The following GUCY1A2 variants were observed in gnomAD, a reference collection of about 807,000 sequenced individuals.
The protein encoded by GUCY1A2 is guanylate cyclase 1 soluble subunit alpha 2, also known as guanylate cyclase soluble subunit alpha-2.
GUCY1A2 carries 27 observed loss-of-function variants against 63.5 expected under a neutral mutation model. The ratio of observed to expected loss-of-function variants is 0.43; its 90% CI spans 0.31 to 0.59. The LOEUF is 0.59. Ranked by LOEUF, GUCY1A2 falls within the 20% of genes least tolerant of loss-of-function variation. GUCY1A2 has a pLI of 0.11. For synonymous variants in GUCY1A2, 364 were observed against 343.5 expected (o/e 1.06, Z -0.66); for missense variants, 768 against 913.3 (o/e 0.84, Z 2.05).
At chr11:106,806,890 C>T (rs946394545) in intron 5 of GUCY1A2, among the ~76,000 whole-genome samples, 1 of 152,180 alleles carries the variant, frequency 6.6e-6, no homozygotes, top group Non-Finnish European at 1.5e-5. Flanking sequence ...AATTCTACCA[C>T]TGAAATTATA....
intron 4 of GUCY1A2, among the ~76,000 whole-genome samples, chr11:106,846,143 A>T (rs1859267847): frequency 6.6e-6 from 1 of 151,600 alleles, no homozygotes; most frequent in Non-Finnish European, 1.5e-5. Flanking sequence ...TGTAATACTC[A>T]ATTGGATCCT....
chr11:107,013,446 G>A (rs561267078), intron 1 of GUCY1A2, among the ~76,000 whole-genome samples: 41 of 152,264 alleles, frequency 2.7e-4, no homozygotes, highest in South Asian at 8.3e-4. Flanking sequence ...GAAATCCCCA[G>A]CTGTTGCTTA....
In GUCY1A2 at chr11:106,939,496, G is replaced by T. The variant is rs1860722370; in HGVS notation, c.1170C>A (p.Thr390=). Residue 390 remains threonine, a synonymous_variant, in exon 4 of 8, where the codon ACC becomes ACA. Transcript: ENST00000526355. The part of the protein sequence containing the change: ...LRLSTPFVIR[T]KPEASGSENK... ...TTTCAGAGCCAGAAGCCTCAGGCTT[G>T]GTTCTAATCACAAACGGGGTAGACA... 1 of 1,606,440 alleles carries T rather than the reference G, an allele frequency of 6.2e-7. No homozygotes were observed. Among genetic ancestry groups the T allele is most frequent in the Non-Finnish European group, 8.5e-7 (1 of 1,173,468 alleles).
intron 7 of GUCY1A2, among the ~76,000 whole-genome samples, chr11:106,702,174 T>C (rs1363046006): frequency 1.3e-5 from 2 of 152,154 alleles, no homozygotes; most frequent in African/African-American, 2.4e-5. Context: ...AATGACAATA[T>C]AAATAAATTG....
intron 1 of GUCY1A2, among the ~76,000 whole-genome samples, chr11:106,990,323 C>T (rs1861454298): frequency 1.3e-5 from 2 of 152,242 alleles, no homozygotes; most frequent in African/African-American, 4.8e-5. Context: ...CTTCACTATA[C>T]TTGACCAACA....
rs930080329 is a variant in GUCY1A2 at position 107,018,404 on chromosome 11, G to C, written c.-349C>G. On this transcript the variant is annotated 5_prime_UTR_variant, in exon 1 of 8. Transcript: ENST00000526355. ...TCCCGCTCACGGGGAGGCTCCGAGA[G>C]TGTGTGACCGCGGTCGGCGGGGCGG... 18 of 150,706 alleles carry C rather than the reference G, an allele frequency of 1.2e-4. No homozygotes were observed. Among genetic ancestry groups the C allele is most frequent in the African/African-American group, 4.1e-4 (17 of 41,260 alleles). The allele number at this position is 150,706 out of a possible 1,614,324, so 9.3% of individuals were successfully genotyped here. A position where few individuals can be genotyped will look rare whatever the true frequency, so the allele number is the denominator to read the frequency against.
intron 3 of GUCY1A2, among the ~76,000 whole-genome samples, chr11:106,956,941 G>C (rs1178185369): frequency 6.6e-6 from 1 of 152,152 alleles, no homozygotes; most frequent in African/African-American, 2.4e-5. Context: ...AGGGACTCAG[G>C]CCCAGGGAGA....
At chr11:106,893,841 G>C (rs937420887) in intron 4 of GUCY1A2, among the ~76,000 whole-genome samples, 1 of 152,032 alleles carries the variant, frequency 6.6e-6, no homozygotes, top group Admixed American at 6.6e-5. Context: ...CGACAAGTCT[G>C]AGAGACTAAA....
chr11:106,796,219 T>C (rs1864757178), intron 5 of GUCY1A2, among the ~76,000 whole-genome samples: 1 of 152,286 alleles, frequency 6.6e-6, no homozygotes, highest in African/African-American at 2.4e-5. Context: ...ATGAGATGGG[T>C]CTCCTGAATA....
intron 2 of GUCY1A2, among the ~76,000 whole-genome samples, chr11:106,984,999 T>C (rs1861383129): frequency 6.6e-6 from 1 of 152,188 alleles, no homozygotes. Flanking sequence ...CATCAAGCAC[T>C]TAAAGTATAC....
chr11:106,856,856 T>C (rs1859443504), intron 4 of GUCY1A2, among the ~76,000 whole-genome samples: 1 of 152,198 alleles, frequency 6.6e-6, no homozygotes, highest in Non-Finnish European at 1.5e-5. Flanking sequence ...CCCTACTTGG[T>C]GTCTTTATAA....
intron 5 of GUCY1A2, among the ~76,000 whole-genome samples, chr11:106,793,216 C>A (rs1434221676): frequency 1.3e-5 from 2 of 152,008 alleles, no homozygotes; most frequent in African/African-American, 2.4e-5. Context: ...ACTAAATCTA[C>A]ACAATCTTTT....
At chr11:106,997,778 C>T (rs1477352985) in intron 1 of GUCY1A2, among the ~76,000 whole-genome samples, 4 of 152,106 alleles carry the variant, frequency 2.6e-5, no homozygotes, top group Admixed American at 2.6e-4. Flanking sequence ...TTCCTTCACC[C>T]TTACATTGGG....
chr11:106,919,384 A>G (rs1048218485), intron 4 of GUCY1A2, among the ~76,000 whole-genome samples: 2 of 152,182 alleles, frequency 1.3e-5, no homozygotes, highest in Non-Finnish European at 2.9e-5. Context: ...TGTTACCATA[A>G]TAACAAAAAA....
At chr11:106,872,844 G>C (rs536592270) in intron 4 of GUCY1A2, among the ~76,000 whole-genome samples, 62 of 152,210 alleles carry the variant, frequency 4.1e-4, no homozygotes, top group African/African-American at 1.5e-3. Context: ...AGAACGTGCA[G>C]ATTTGTTACA....
intron 4 of GUCY1A2, chr11:106,827,312 A>T (rs1858985155): frequency 6.4e-7 from 1 of 1,554,056 alleles, no homozygotes; most frequent in African/African-American, 1.4e-5. Context: ...ATGAGCTTTG[A>T]AGTCAAGAAT....
At position 106,691,254 on chromosome 11, in the gene GUCY1A2, A is replaced by C. The variant is rs1862618936; in HGVS notation, c.1992-3498T>G. ...TAAAAAGACAAGAAATGCTCATTGA[A>C]ACAAATTAGCAATACAATGATACAA... On this transcript the variant is annotated intron_variant, in intron 7 of 7. Transcript: ENST00000526355. 3.9e-5 allele frequency among the ~76,000 whole-genome samples: 6 copies of C among 152,330 alleles called. No homozygotes were observed. In the South Asian group the frequency reaches 1.2e-3, roughly 32 times the overall value.
chr11:107,011,137 C>A (rs556049604), intron 1 of GUCY1A2, among the ~76,000 whole-genome samples: 1 of 152,174 alleles, frequency 6.6e-6, no homozygotes, highest in Admixed American at 6.5e-5. Context: ...CCTCATGCAT[C>A]GAACAAAGGG....
chr11:106,721,890 G>C (rs555757623), intron 6 of GUCY1A2, among the ~76,000 whole-genome samples: 1 of 152,260 alleles, frequency 6.6e-6, no homozygotes, highest in Admixed American at 6.5e-5. Context: ...TGCCTATGTT[G>C]CACCCATAGT....
Sources: gnomAD v4.1 joint callset for allele counts (sites outside exome capture counted in the v4.1 genomes callset) on GRCh38, gnomAD v4.1.1 for gene constraint, MANE v1.5 for transcripts, NCBI Gene and HGNC (gene_info 2026-07-23, HGNC 2026-07-21) for gene names.